The following FBXL13 variants were observed in gnomAD, a reference collection of about 807,000 sequenced individuals.
FBXL13 encodes F-box and leucine rich repeat protein 13, also known as F-box and leucine-rich repeat protein 13.
FBXL13 carries 67 observed loss-of-function variants against 83.6 expected under a neutral mutation model. That is an observed-to-expected ratio of 0.80 (90% CI 0.66 to 0.98). The LOEUF (loss-of-function observed/expected upper bound fraction) is 0.98, where lower values mean the gene tolerates loss of function less well. Among genes scored for constraint, FBXL13 ranks in the 50% least tolerant of loss-of-function variants. The pLI is 0.00. For synonymous variants in FBXL13, 272 were observed against 299.5 expected (o/e 0.91, Z 0.95); for missense variants, 822 against 866.5 (o/e 0.95, Z 0.64).
At chr7:102,931,130 A>G (rs1819092790) in intron 9 of FBXL13, among the ~76,000 whole-genome samples, 1 of 152,214 alleles carries the variant, frequency 6.6e-6, no homozygotes, top group Non-Finnish European at 1.5e-5. Context: ...AGAGGAAAGC[A>G]CCACTTGGGG....
At chr7:103,050,545 A>T (rs917964329) in intron 2 of FBXL13, among the ~76,000 whole-genome samples, 1 of 152,174 alleles carries the variant, frequency 6.6e-6, no homozygotes, top group East Asian at 1.9e-4. Context: ...TCCAACCTCC[A>T]ACTAGGAGTT....
intron 10 of FBXL13, among the ~76,000 whole-genome samples, chr7:102,922,711 G>A (rs1442222655): frequency 4.6e-5 from 7 of 152,112 alleles, no homozygotes; most frequent in Non-Finnish European, 1.0e-4. Flanking sequence ...GGTGGCTCAC[G>A]CCTATAATCC....
intron 16 of FBXL13, among the ~76,000 whole-genome samples, chr7:102,863,070 C>A (rs1030076266): frequency 8.5e-5 from 13 of 152,204 alleles, no homozygotes; most frequent in African/African-American, 2.9e-4. Flanking sequence ...AGCACTGTTA[C>A]TTTCAGAGAA....
chr7:102,817,745 A>G (rs1383568254), intron 19 of FBXL13, among the ~76,000 whole-genome samples: 3 of 152,190 alleles, frequency 2.0e-5, no homozygotes, highest in Non-Finnish European at 1.5e-5. Flanking sequence ...ATTGAAAAAA[A>G]CATGTATTCT....
intron 1 of FBXL13, among the ~76,000 whole-genome samples, chr7:103,063,441 T>A (rs1226097540): frequency 2.0e-5 from 3 of 152,228 alleles, no homozygotes; most frequent in Non-Finnish European, 4.4e-5. Flanking sequence ...TCAGCCAACA[T>A]CAGTCTCCAA....
chr7:103,011,175 C>T (rs1264084143), intron 6 of FBXL13, among the ~76,000 whole-genome samples: 2 of 152,176 alleles, frequency 1.3e-5, no homozygotes, highest in Non-Finnish European at 2.9e-5. Context: ...AGTTCCCTAG[C>T]AATGATTCTT....
At chr7:102,910,027 G>A (rs1264003828) in intron 11 of FBXL13, among the ~76,000 whole-genome samples, 1 of 152,340 alleles carries the variant, frequency 6.6e-6, no homozygotes, top group East Asian at 1.9e-4. Context: ...ACAGCGCACT[G>A]TAGCCCTCAG....
At chr7:102,822,907 C>T (rs1281049898) in intron 18 of FBXL13, among the ~76,000 whole-genome samples, 1 of 152,040 alleles carries the variant, frequency 6.6e-6, no homozygotes, top group Non-Finnish European at 1.5e-5. Context: ...CCCAAAAATA[C>T]AAAAATTAGC....
At chr7:103,030,900 C>T (rs1794441528) in intron 2 of FBXL13, among the ~76,000 whole-genome samples, 1 of 151,844 alleles carries the variant, frequency 6.6e-6, no homozygotes, top group African/African-American at 2.4e-5. Context: ...AGTTTCTCTT[C>T]ATAAATTTTT....
chr7:103,051,069 G>C (rs1014672151), intron 2 of FBXL13, among the ~76,000 whole-genome samples: 2 of 152,122 alleles, frequency 1.3e-5, no homozygotes, highest in Non-Finnish European at 2.9e-5. Context: ...TAATGTATAA[G>C]CTGGAAGGAA....
intron 2 of FBXL13, among the ~76,000 whole-genome samples, chr7:103,054,583 A>T (rs963728187): frequency 2.0e-4 from 30 of 152,160 alleles, no homozygotes; most frequent in African/African-American, 6.8e-4. Context: ...TGCTGGTACC[A>T]GTTTTCAGTA....
At chr7:103,055,722 G>GT (rs1797267225) in exon 2 of FBXL13, 1 of 1,282,894 alleles carries the variant, frequency 7.8e-7, no homozygotes, top group Non-Finnish European at 1.0e-6. Flanking sequence ...CTCAGGACAT[G>GT]TAACAAGTAT....
chr7:102,990,634 G>A (rs1829462736), intron 6 of FBXL13, among the ~76,000 whole-genome samples: 1 of 152,228 alleles, frequency 6.6e-6, no homozygotes, highest in South Asian at 2.1e-4. Context: ...TCTGGGAACA[G>A]AGAGGAAGGG....
chr7:102,989,540 A>G (rs554218792), intron 6 of FBXL13, among the ~76,000 whole-genome samples: 4 of 152,288 alleles, frequency 2.6e-5, no homozygotes, highest in African/African-American at 7.2e-5. Flanking sequence ...TAGGCTTGCA[A>G]TTCAGCTCCT....
At chr7:102,872,010 C>T (rs1018066689) in intron 16 of FBXL13, among the ~76,000 whole-genome samples, 1 of 152,164 alleles carries the variant, frequency 6.6e-6, no homozygotes, top group Non-Finnish European at 1.5e-5. Context: ...GACTATGACT[C>T]CCCTACACAT....
chr7:103,002,117 T>TA (rs1165947591), intron 6 of FBXL13, among the ~76,000 whole-genome samples: 5 of 152,164 alleles, frequency 3.3e-5, no homozygotes, highest in Admixed American at 1.3e-4. Flanking sequence ...TCTGAATACT[T>TA]ACTTTTCTCT....
chr7:102,832,722 T>C, intron 18 of FBXL13, 118 bp downstream of exon 19: 4 of 1,242,130 alleles, frequency 3.2e-6, no homozygotes, highest in Non-Finnish European at 3.2e-6. Context: ...AAAAATCCAA[T>C]GAATACCTCA....
At chr7:103,038,982 A>G (rs564040103) in intron 2 of FBXL13, among the ~76,000 whole-genome samples, 1 of 152,344 alleles carries the variant, frequency 6.6e-6, no homozygotes, top group Admixed American at 6.5e-5. Flanking sequence ...TGACAAGTTG[A>G]CAGAAGTAGG....
chr7:102,990,609 T>C (rs1393798510), intron 6 of FBXL13, among the ~76,000 whole-genome samples: 1 of 152,072 alleles, frequency 6.6e-6, no homozygotes, highest in Non-Finnish European at 1.5e-5. Context: ...GAGTAAAAAG[T>C]ATCTCAAGAG....
Sources: allele counts gnomAD v4.1 joint callset (sites outside exome capture counted in the v4.1 genomes callset), GRCh38; gene constraint gnomAD v4.1.1; transcripts MANE v1.5; gene names NCBI Gene and HGNC (gene_info 2026-07-23, HGNC 2026-07-21).